Variants in MAN1A1 observed in about 807,000 individuals in gnomAD.
MAN1A1 encodes mannosidase alpha class 1A member 1, also known as mannosyl-oligosaccharide 1,2-alpha-mannosidase IA.
A neutral mutation model predicts 70.8 loss-of-function variants in MAN1A1; 29 were observed. The ratio of observed to expected loss-of-function variants is 0.41; its 90% CI spans 0.31 to 0.56. The LOEUF is 0.56. Ranked by LOEUF, MAN1A1 falls within the 20% of genes least tolerant of loss-of-function variation. The probability of loss-of-function intolerance (pLI) is 0.29; values close to 1 mark genes in which losing one functional copy is unlikely to be tolerated. For synonymous variants in MAN1A1, 349 were observed against 330.1 expected (o/e 1.06, Z -0.62); for missense variants, 747 against 841.3 (o/e 0.89, Z 1.39).
At chr6:119,313,760 C>T (rs900271042) in intron 2 of MAN1A1, among the ~76,000 whole-genome samples, 2 of 152,010 alleles carry the variant, frequency 1.3e-5, no homozygotes, top group Admixed American at 6.6e-5. Flanking sequence ...ACATTCAGTT[C>T]CTGGTTCTGA....
rs568387773 is a variant in MAN1A1 at position 119,334,684 on chromosome 6, G to A, written c.603+13779C>T. Among the ~76,000 whole-genome samples the A allele has an allele frequency of 2.4e-4, 36 of 152,310 alleles. No individual in the cohort carries two copies. The South Asian group carries it at 7.3e-3, about 31-fold the overall frequency. ...TGTCTTAAATGCACTAGGAATCTCT[G>A]CTGCCAATGTAGTTAAAGCTGCAGC... is the stretch of plus-strand genomic sequence containing the variant. On this transcript the variant is annotated intron_variant, in intron 2 of 12. Transcript: ENST00000368468.
chr6:119,291,845 C>A (rs750914748), intron 4 of MAN1A1, among the ~76,000 whole-genome samples: 49 of 151,988 alleles, frequency 3.2e-4, no homozygotes, highest in Non-Finnish European at 1.0e-4. Flanking sequence ...CCAATAATAG[C>A]TTGCTTTTAT....
chr6:119,219,627 CAAA>C (rs66760342), intron 6 of MAN1A1, among the ~76,000 whole-genome samples: 1 of 145,478 alleles, frequency 6.9e-6, no homozygotes, highest in Non-Finnish European at 1.5e-5. Context: ...GACATCTACT[CAAA>C]AAAAAAAAAA....
chr6:119,322,030 G>A (rs554849666), intron 2 of MAN1A1, among the ~76,000 whole-genome samples: 3 of 152,258 alleles, frequency 2.0e-5, no homozygotes, highest in Non-Finnish European at 2.9e-5. Context: ...ACAGCTTCCT[G>A]AGCCAGGCAG....
At chr6:119,263,197 TTAAG>T (rs1233655898) in intron 5 of MAN1A1, among the ~76,000 whole-genome samples, 6 of 152,088 alleles carry the variant, frequency 3.9e-5, no homozygotes, top group African/African-American at 1.4e-4. Flanking sequence ...GGGGAGTTTA[TTAAG>T]TATTAAGTTA....
chr6:119,225,491 A>C (rs1774488040), intron 6 of MAN1A1, among the ~76,000 whole-genome samples: 1 of 151,854 alleles, frequency 6.6e-6, no homozygotes, highest in Non-Finnish European at 1.5e-5. Flanking sequence ...CTGGCTAAAA[A>C]CTCCAGATTT....
chr6:119,245,975 T>C (rs1281232926), intron 6 of MAN1A1, among the ~76,000 whole-genome samples: 1 of 152,186 alleles, frequency 6.6e-6, no homozygotes. Flanking sequence ...AGTAATTTAA[T>C]AAATTAAGTA....
chr6:119,200,203 A>G (rs150520232), intron 8 of MAN1A1, among the ~76,000 whole-genome samples: 199 of 152,342 alleles, frequency 1.3e-3, no homozygotes, highest in African/African-American at 4.6e-3. Context: ...TATGACTAAG[A>G]CATGTATTAT....
intron 6 of MAN1A1, among the ~76,000 whole-genome samples, chr6:119,208,897 C>G (rs1277498529): frequency 6.6e-6 from 1 of 151,976 alleles, no homozygotes; most frequent in Non-Finnish European, 1.5e-5. Context: ...GAGTTCGAGA[C>G]CAGCCTGGGC....
At chr6:119,194,819 T>C (rs1018962499) in intron 8 of MAN1A1, among the ~76,000 whole-genome samples, 1 of 151,336 alleles carries the variant, frequency 6.6e-6, no homozygotes, top group Middle Eastern at 3.4e-3. Context: ...AACTGTAGGA[T>C]AGGTATCTTC....
chr6:119,336,538 C>T (rs555939718), intron 2 of MAN1A1, among the ~76,000 whole-genome samples: 1 of 152,272 alleles, frequency 6.6e-6, no homozygotes, highest in South Asian at 2.1e-4. Context: ...AAAGGGACCA[C>T]TGACAAATGC....
intron 11 of MAN1A1, among the ~76,000 whole-genome samples, chr6:119,183,719 T>C (rs1773213513): frequency 6.6e-6 from 1 of 152,088 alleles, no homozygotes; most frequent in African/African-American, 2.4e-5. Context: ...TAATCACCTT[T>C]CTTTCTAGTT....
At chr6:119,286,104 T>A (rs1441569058) in intron 5 of MAN1A1, among the ~76,000 whole-genome samples, 1 of 152,142 alleles carries the variant, frequency 6.6e-6, no homozygotes, top group African/African-American at 2.4e-5. Context: ...GTTTGAATCA[T>A]ACACATTTTC....
intron 8 of MAN1A1, among the ~76,000 whole-genome samples, chr6:119,197,824 T>C (rs938601024): frequency 4.6e-5 from 7 of 151,712 alleles, no homozygotes; most frequent in Non-Finnish European, 8.8e-5. Flanking sequence ...CATCAGGAAA[T>C]TGGCCCATAA....
chr6:119,327,085 A>C (rs1773165600), intron 2 of MAN1A1, among the ~76,000 whole-genome samples: 1 of 152,180 alleles, frequency 6.6e-6, no homozygotes, highest in African/African-American at 2.4e-5. Context: ...GGTATGATGA[A>C]AGTTACTTAA....
At chr6:119,221,362 G>A (rs1207790579) in intron 6 of MAN1A1, among the ~76,000 whole-genome samples, 1 of 151,626 alleles carries the variant, frequency 6.6e-6, no homozygotes. Context: ...GATAATTTTT[G>A]CATATACTGA....
intron 2 of MAN1A1, among the ~76,000 whole-genome samples, chr6:119,338,185 C>T (rs195081): frequency 0.19 from 28,947 of 151,926 alleles, 3,181 homozygotes; most frequent in East Asian, 0.31. Flanking sequence ...TTATTCATCA[C>T]GTTAACACAG....
intron 8 of MAN1A1, among the ~76,000 whole-genome samples, chr6:119,200,159 C>T (rs772768621): frequency 2.4e-4 from 36 of 152,128 alleles, no homozygotes; most frequent in Admixed American, 5.2e-4. Flanking sequence ...TAAACATCCA[C>T]TAAGTGCAAG....
chr6:119,251,611 A>G (rs1775319104), intron 5 of MAN1A1, among the ~76,000 whole-genome samples: 1 of 152,226 alleles, frequency 6.6e-6, no homozygotes, highest in Admixed American at 6.5e-5. Flanking sequence ...CTCTAAATCA[A>G]GATACAGAAG....
Sources: allele counts gnomAD v4.1 joint callset (sites outside exome capture counted in the v4.1 genomes callset), GRCh38; gene constraint gnomAD v4.1.1; transcripts MANE v1.5; gene names NCBI Gene and HGNC (gene_info 2026-07-23, HGNC 2026-07-21).